Variants in ITCH observed in about 807,000 individuals in gnomAD.
ITCH encodes itchy E3 ubiquitin protein ligase.
Under a neutral mutation model 126.8 loss-of-function variants are expected in ITCH, and 28 were observed. The ratio of observed to expected loss-of-function variants is 0.22; its 90% confidence interval spans 0.16 to 0.30. The LOEUF is 0.30. Among genes scored for constraint, ITCH ranks in the 10% least tolerant of loss-of-function variants. The probability of loss-of-function intolerance (pLI) is 1.00; values close to 1 mark genes in which losing one functional copy is unlikely to be tolerated. For missense variants in ITCH, 631 were observed against 1,032.4 expected (o/e 0.61, Z 5.33); for synonymous variants, 342 against 340.0 (o/e 1.01, Z -0.06).
At chr20:34,442,017 C>G in intron 9 of ITCH, 191 bp from the exon 10 acceptor site, 1 of 610,220 alleles carries the variant, frequency 1.6e-6, no homozygotes, top group Non-Finnish European at 3.0e-6. Context: ...AAATTGAATT[C>G]ACTGTGTGCC....
rs1978346334 is a variant in ITCH at position 34,508,057 on chromosome 20, A to C, written c.*263A>C. 1 of 427,908 alleles carries C rather than the reference A, an allele frequency of 2.3e-6. No individual in the cohort carries two copies. Among genetic ancestry groups the C allele is most frequent in the Non-Finnish European group, 4.4e-6 (1 of 228,290 alleles). The allele number at this position is 427,908 out of a possible 1,614,324, so 26.5% of individuals were successfully genotyped here. A position where few individuals can be genotyped will look rare whatever the true frequency, so the allele number is the denominator to read the frequency against. On this transcript the variant is annotated 3_prime_UTR_variant, in exon 25 of 25. Transcript: ENST00000374864. ...GAAATTTGCCTTGTCTTATTCCACTAGTTTATTCCTTTAACAACAATATTT... is the reference window on the plus strand; with the variant it reads ...GAAATTTGCCTTGTCTTATTCCACTCGTTTATTCCTTTAACAACAATATTT...
intron 3 of ITCH, among the ~76,000 whole-genome samples, chr20:34,408,123 G>C (rs1313762577): frequency 6.6e-6 from 1 of 152,104 alleles, no homozygotes; most frequent in African/African-American, 2.4e-5. Context: ...TCCTCCTGTT[G>C]CCCAAGCTGT....
chr20:34,495,293 A>AAT (rs1445852888), intron 23 of ITCH, among the ~76,000 whole-genome samples: 6 of 68,100 alleles, frequency 8.8e-5, no homozygotes, highest in African/African-American at 2.3e-4. Flanking sequence ...TAAATAAATA[A>AAT]AATATATATA....
chr20:34,411,373 C>G (rs1979012395), intron 4 of ITCH, among the ~76,000 whole-genome samples: 1 of 152,156 alleles, frequency 6.6e-6, no homozygotes, highest in Non-Finnish European at 1.5e-5. Flanking sequence ...AGGCTGGTCT[C>G]AAGCTCCTGA....
chr20:34,457,260 T>C, intron 12 of ITCH, 130 bp from the exon 13 acceptor site: 1 of 699,128 alleles, frequency 1.4e-6, no homozygotes, highest in South Asian at 1.6e-5. Context: ...TTTAAAGCTG[T>C]GATTTAAAAA....
At chr20:34,482,046 A>G (rs751028352) in intron 20 of ITCH, among the ~76,000 whole-genome samples, 1 of 152,122 alleles carries the variant, frequency 6.6e-6, no homozygotes, top group Non-Finnish European at 1.5e-5. Context: ...ACTTCATCAT[A>G]TCTTGTGAGA....
At chr20:34,471,645 T>C in intron 16 of ITCH, 130 bp downstream of exon 16, 1 of 701,950 alleles carries the variant, frequency 1.4e-6, no homozygotes, top group South Asian at 1.5e-5. Context: ...AAGTGCGATC[T>C]CATTGCCAGC....
chr20:34,454,834 T>G (rs1243827534), intron 12 of ITCH, among the ~76,000 whole-genome samples: 5 of 46,368 alleles, frequency 1.1e-4, no homozygotes, highest in African/African-American at 1.9e-4. Context: ...TTTTTTTTTT[T>G]TTTTTTTTTT....
intron 3 of ITCH, among the ~76,000 whole-genome samples, chr20:34,405,787 T>TA (rs2039038602): frequency 6.6e-6 from 1 of 151,622 alleles, no homozygotes; most frequent in African/African-American, 2.4e-5. Flanking sequence ...GTACTTTTTT[T>TA]TTATTTTTTA....
At chr20:34,500,698 TC>T (rs1168780798) in intron 23 of ITCH, among the ~76,000 whole-genome samples, 4 of 152,216 alleles carry the variant, frequency 2.6e-5, no homozygotes, top group African/African-American at 9.6e-5. Flanking sequence ...CAGGACTTAC[TC>T]CTGTCATTTT....
intron 1 of ITCH, among the ~76,000 whole-genome samples, chr20:34,367,963 A>G (rs1025278886): frequency 2.0e-5 from 3 of 152,134 alleles, no homozygotes; most frequent in African/African-American, 7.2e-5. Flanking sequence ...TGTTATATTC[A>G]TTCTGTCTTA....
At chr20:34,466,450 A>G (rs774829806) in intron 14 of ITCH, 2 of 494,986 alleles carry the variant, frequency 4.0e-6, no homozygotes, top group Admixed American at 5.0e-5. Flanking sequence ...CTACACATTA[A>G]CAACTTTTAT....
chr20:34,476,653 ATG>A (rs1988257315), intron 16 of ITCH: 1 of 299,712 alleles, frequency 3.3e-6, no homozygotes, highest in East Asian at 6.4e-5. Context: ...CTTGAGTGGG[ATG>A]TGAATTCATA....
chr20:34,438,456 TC>T lies in ITCH; in HGVS notation c.522-14del. 6.2e-7 allele frequency: 1 copy of T among 1,613,692 alleles called. No individual in the cohort carries two copies. The highest frequency in any genetic ancestry group is 8.5e-7 in the Non-Finnish European group (1 of 1,179,612). Reference sequence around the variant, plus strand: ...ATTATTTCCCTCTCCCCCTTCCTTTTCCCCTCTTCTTACCCAGAGTGAGCAC... The same window carrying T: ...ATTATTTCCCTCTCCCCCTTCCTTTTCCCTCTTCTTACCCAGAGTGAGCAC... On this transcript the variant is annotated splice_polypyrimidine_tract_variant and intron_variant, in intron 7 of 24. Coordinates refer to ENST00000374864, the MANE Select transcript of ITCH (RefSeq NM_031483.7).
At chr20:34,470,274 T>A (rs1346773380) in intron 15 of ITCH, among the ~76,000 whole-genome samples, 154 bp downstream of exon 15, 5 of 152,088 alleles carry the variant, frequency 3.3e-5, no homozygotes, top group Non-Finnish European at 5.9e-5. Flanking sequence ...ATAAATAGAT[T>A]TATCAATTAG....
chr20:34,369,475 G>C lies in ITCH; in HGVS notation c.-22+5G>C. 2.5e-6 allele frequency: 1 copy of C among 399,016 alleles called. No individual in the cohort carries two copies. The highest frequency in any genetic ancestry group is 3.6e-5 in the East Asian group (1 of 28,076). The allele number at this position is 399,016 out of a possible 1,614,324, so 24.7% of individuals were successfully genotyped here. ...CTCAAACTGTGAGAACTTCAGGTAT[G>C]GTGTCATCCTGTGAGAGAAATTGGG... On this transcript the variant is annotated splice_donor_5th_base_variant and intron_variant, in intron 2 of 24. Transcript: ENST00000374864.
chr20:34,424,250 A>T (rs1421448526), intron 6 of ITCH, among the ~76,000 whole-genome samples: 1 of 152,196 alleles, frequency 6.6e-6, no homozygotes, highest in Non-Finnish European at 1.5e-5. Flanking sequence ...AGTAATTAAC[A>T]TCCCGTATCC....
At chr20:34,471,622 C>T in intron 16 of ITCH, 107 bp downstream of exon 16, 1 of 752,436 alleles carries the variant, frequency 1.3e-6, no homozygotes, top group Non-Finnish European at 2.4e-6. Context: ...GAGTTGAAGT[C>T]CTTGAATTTT....
At chr20:34,413,618 G>T in intron 5 of ITCH, 124 bp from the exon 6 acceptor site, 1 of 867,228 alleles carries the variant, frequency 1.2e-6, no homozygotes, top group Non-Finnish European at 1.7e-6. Context: ...TAGTTAAACA[G>T]TTTATATGCA....
Sources: gnomAD v4.1 joint callset for allele counts (sites outside exome capture counted in the v4.1 genomes callset) on GRCh38, gnomAD v4.1.1 for gene constraint, MANE v1.5 for transcripts, NCBI Gene and HGNC (gene_info 2026-07-23, HGNC 2026-07-21) for gene names.